WWOX: variants seen among roughly 807,000 people sequenced by gnomAD.
WWOX encodes the protein WW domain containing oxidoreductase, also known as WW domain-containing oxidoreductase.
A neutral mutation model predicts 46.2 loss-of-function variants in WWOX; 69 were observed. The observed-to-expected ratio is 1.49, with a 90% confidence interval of 1.23 to 1.82. The LOEUF is 1.82. Ranked by LOEUF, WWOX falls within the 40% of genes most tolerant of loss-of-function variation. The pLI, the probability that WWOX is intolerant of heterozygous loss-of-function variation, is 0.00. For synonymous variants in WWOX, 359 were observed against 202.6 expected, an observed-to-expected ratio of 1.77 and a Z score of -6.56; for missense variants, 919 against 542.6, an observed-to-expected ratio of 1.69 and a Z score of -6.89.
chr16:78,469,038 A>T (rs991482150), intron 8 of WWOX, among the ~76,000 whole-genome samples: 1 of 152,138 alleles, frequency 6.6e-6, no homozygotes, highest in Admixed American at 6.5e-5. Flanking sequence ...GGATGGATAG[A>T]TTGATTTTGT....
intron 8 of WWOX, among the ~76,000 whole-genome samples, chr16:79,112,562 A>G (rs1228810817): frequency 1.3e-5 from 2 of 152,090 alleles, no homozygotes; most frequent in East Asian, 3.9e-4. Context: ...GGAGCAAGAC[A>G]CCAGCTTTTC....
chr16:78,848,743 A>C lies in WWOX; in HGVS notation c.1057-362865A>C, dbSNP rs538869395. 3.3e-5 allele frequency among the ~76,000 whole-genome samples: 5 copies of C among 152,184 alleles called. No homozygotes were observed. The East Asian group carries it at 9.7e-4, about 29-fold the overall frequency. Reference sequence around the variant, plus strand: ...AGGGTAATGATGAGGTTGAACCACCAGTTCTCAATGCCATACATGAGATTC... The same window carrying C: ...AGGGTAATGATGAGGTTGAACCACCCGTTCTCAATGCCATACATGAGATTC... On this transcript the variant is annotated intron_variant, in intron 8 of 8. Transcript: ENST00000566780.
chr16:78,817,541 A>T (rs999341707), intron 8 of WWOX, among the ~76,000 whole-genome samples: 4 of 152,228 alleles, frequency 2.6e-5, no homozygotes, highest in Admixed American at 2.0e-4. Flanking sequence ...CAAATTTGCC[A>T]ATCAAAATTC....
Position 78,251,547 on chromosome 16 carries a change from G to A in WWOX, c.516+87258G>A, listed in dbSNP as rs1597402798. Reference sequence around the variant, plus strand: ...CCAATAAATAGATAAGAAACCTGAAGGTCTACATCAAATCAGCTTCTATTG... The same window carrying A: ...CCAATAAATAGATAAGAAACCTGAAAGTCTACATCAAATCAGCTTCTATTG... On this transcript the variant is annotated intron_variant, in intron 5 of 8. Coordinates refer to ENST00000566780, the MANE Select transcript of WWOX (RefSeq NM_016373.4). 2.6e-5 allele frequency among the ~76,000 whole-genome samples: 4 copies of A among 152,182 alleles called. No homozygotes were observed. The East Asian group carries it at 5.8e-4, about 22-fold the overall frequency.
chr16:78,824,033 C>T (rs912757968), intron 8 of WWOX, among the ~76,000 whole-genome samples: 1 of 152,184 alleles, frequency 6.6e-6, no homozygotes, highest in Admixed American at 6.5e-5. Flanking sequence ...CCTTGATAGA[C>T]GTGTTCATTG....
intron 8 of WWOX, among the ~76,000 whole-genome samples, chr16:79,040,275 ATTT>A (rs35194921): frequency 2.2e-5 from 3 of 139,224 alleles, no homozygotes; most frequent in Non-Finnish European, 3.1e-5. Context: ...TTCTGAGTTG[ATTT>A]TTTTTTTTTT....
intron 5 of WWOX, among the ~76,000 whole-genome samples, chr16:78,310,241 C>G (rs1028904675): frequency 2.3e-4 from 35 of 152,284 alleles, no homozygotes; most frequent in African/African-American, 8.4e-4. Context: ...ACACACACAA[C>G]CCACTGAAAT....
intron 8 of WWOX, among the ~76,000 whole-genome samples, chr16:78,800,951 C>G (rs1353126024): frequency 2.8e-5 from 2 of 71,114 alleles, no homozygotes; most frequent in African/African-American, 8.5e-5. Context: ...TTTCGAAAAA[C>G]AGAAAAAAAA....
At chr16:78,321,858 G>T (rs530555856) in intron 5 of WWOX, among the ~76,000 whole-genome samples, 1 of 152,122 alleles carries the variant, frequency 6.6e-6, no homozygotes, top group East Asian at 1.9e-4. Flanking sequence ...GGATGGAGAG[G>T]CATATGATTC....
intron 8 of WWOX, among the ~76,000 whole-genome samples, chr16:78,639,336 C>T (rs192582720): frequency 6.6e-6 from 1 of 152,182 alleles, no homozygotes; most frequent in African/African-American, 2.4e-5. Flanking sequence ...CACCTGGGCT[C>T]ACACCTTGCC....
intron 8 of WWOX, among the ~76,000 whole-genome samples, chr16:78,996,846 G>A (rs897714673): frequency 1.3e-5 from 2 of 152,114 alleles, no homozygotes; most frequent in East Asian, 1.9e-4. Context: ...ACATCTCCCC[G>A]GCCTCCGACA....
chr16:78,109,002 C>G (rs1185460143), intron 2 of WWOX, among the ~76,000 whole-genome samples: 1 of 152,086 alleles, frequency 6.6e-6, no homozygotes, highest in Non-Finnish European at 1.5e-5. Context: ...ATAGCGACAA[C>G]AACAACAACA....
chr16:78,840,284 C>G (rs1385921627), intron 8 of WWOX, among the ~76,000 whole-genome samples: 4 of 152,144 alleles, frequency 2.6e-5, no homozygotes, highest in African/African-American at 9.7e-5. Context: ...CTCTCTGTGC[C>G]TTGATTTCTT....
intron 8 of WWOX, among the ~76,000 whole-genome samples, chr16:78,815,714 A>C (rs540864473): frequency 6.6e-5 from 10 of 152,178 alleles, no homozygotes; most frequent in Non-Finnish European, 1.0e-4. Flanking sequence ...GAAATCTGAA[A>C]AGGAGCAAAA....
chr16:79,067,660 C>G (rs891809956), intron 8 of WWOX, among the ~76,000 whole-genome samples: 4 of 151,974 alleles, frequency 2.6e-5, no homozygotes, highest in Non-Finnish European at 4.4e-5. Flanking sequence ...TTATCACCAC[C>G]TGCATATTAT....
At chr16:79,061,727 G>T (rs1034285931) in intron 8 of WWOX, among the ~76,000 whole-genome samples, 1 of 152,164 alleles carries the variant, frequency 6.6e-6, no homozygotes, top group Admixed American at 6.5e-5. Context: ...TTTGCTCAGG[G>T]CTACTTCTCT....
rs533976057 is a variant in WWOX at position 78,608,652 on chromosome 16, G to C, written c.1056+175900G>C. ...GGTCACCAACCCGTTCCATCTTCCT[G>C]TCAGTTGGCGTCCACCCTTGGTTTC... On this transcript the variant is annotated intron_variant, in intron 8 of 8. Transcript: ENST00000566780. Among the ~76,000 whole-genome samples, 4 of 152,280 alleles carry C rather than the reference G, an allele frequency of 2.6e-5. No individual in the cohort carries two copies. The South Asian group carries it at 8.3e-4, about 32-fold the overall frequency.
intron 8 of WWOX, among the ~76,000 whole-genome samples, chr16:78,686,222 T>G (rs943875868): frequency 6.6e-6 from 1 of 152,086 alleles, no homozygotes; most frequent in Admixed American, 6.5e-5. Flanking sequence ...CTCAGAAATC[T>G]GTTAGAAGGC....
At chr16:78,941,968 G>C (rs571035406) in intron 8 of WWOX, among the ~76,000 whole-genome samples, 4 of 152,278 alleles carry the variant, frequency 2.6e-5, no homozygotes, top group East Asian at 1.9e-4. Flanking sequence ...GGAAAATGTA[G>C]ATGAATGTGG....
Sources: gnomAD v4.1 joint callset for allele counts (sites outside exome capture counted in the v4.1 genomes callset) on GRCh38, gnomAD v4.1.1 for gene constraint, MANE v1.5 for transcripts, NCBI Gene and HGNC (gene_info 2026-07-23, HGNC 2026-07-21) for gene names.